AKAP12: variants seen among roughly 807,000 people sequenced by gnomAD.
The protein encoded by AKAP12 is A-kinase anchor protein 12.
A neutral mutation model predicts 79.9 loss-of-function variants in AKAP12; 32 were observed. The observed-to-expected ratio is 0.40, with a 90% confidence interval of 0.30 to 0.54. AKAP12 has a LOEUF of 0.54. AKAP12 is among the 20% of genes least tolerant of loss of function. The pLI, the probability that AKAP12 is intolerant of heterozygous loss-of-function variation, is 0.48. For missense variants in AKAP12, 2,074 were observed against 2,177.0 expected, an observed-to-expected ratio of 0.95 and a Z score of 0.94; for synonymous variants, 808 against 857.0, an observed-to-expected ratio of 0.94 and a Z score of 1.00.
chr6:151,263,767 C>G (rs1175699855), intron 2 of AKAP12, among the ~76,000 whole-genome samples: 2 of 151,994 alleles, frequency 1.3e-5, no homozygotes, highest in Non-Finnish European at 2.9e-5. Flanking sequence ...TTAGTAGAGA[C>G]AGGGTTTCAC....
intron 2 of AKAP12, among the ~76,000 whole-genome samples, chr6:151,259,505 T>TAC (rs1409619287): frequency 6.7e-3 from 400 of 59,802 alleles, no homozygotes; most frequent in African/African-American, 0.034. Flanking sequence ...TACATGTATA[T>TAC]ATATATACAC....
At chr6:151,296,127 AGAGGATCTGCTGCCTCTTCCCT>A (rs968858420) in intron 2 of AKAP12, among the ~76,000 whole-genome samples, 1 of 152,204 alleles carries the variant, frequency 6.6e-6, no homozygotes, top group African/African-American at 2.4e-5. Context: ...GCCACCCTCA[AGAGGATCTGCTGCCTCTTCCCT>A]GAGGAAAACT....
chr6:151,349,462 C>G lies in AKAP12; in HGVS notation c.1071C>G (p.His357Gln), dbSNP rs762194634. ...SEKLTASEQA[H>Q]PQEPAESAHE... ...AACTGACCGCCTCCGAGCAAGCCCA[C>G]CCACAGGAGCCGGCAGAAAGTGCCC... Residue 357 changes from histidine to glutamine, a missense_variant, in exon 4 of 5, where the codon CAC (histidine) becomes CAG (glutamine). Coordinates refer to ENST00000402676, the MANE Select transcript of AKAP12 (RefSeq NM_005100.4). 4 of 1,606,070 alleles carry G rather than the reference C, an allele frequency of 2.5e-6. No individual in the cohort carries two copies. Among genetic ancestry groups the G allele is most frequent in the Non-Finnish European group, 2.5e-6 (3 of 1,177,758 alleles).
chr6:151,248,717 T>TGC (rs1797120792), intron 2 of AKAP12, among the ~76,000 whole-genome samples: 1 of 152,148 alleles, frequency 6.6e-6, no homozygotes, highest in Non-Finnish European at 1.5e-5. Context: ...TGGCCGGGCA[T>TGC]GGTGGCTCAC....
intron 2 of AKAP12, among the ~76,000 whole-genome samples, chr6:151,249,417 T>G (rs1270932923): frequency 1.3e-5 from 2 of 152,234 alleles, no homozygotes; most frequent in African/African-American, 4.8e-5. Flanking sequence ...TGAGCTCAAG[T>G]GATCCTCTTG....
At chr6:151,270,305 G>A (rs1434274188) in intron 2 of AKAP12, among the ~76,000 whole-genome samples, 7 of 152,300 alleles carry the variant, frequency 4.6e-5, no homozygotes, top group Middle Eastern at 6.8e-3. Flanking sequence ...TGATCTGCCC[G>A]CCTCGGCCTC....
In AKAP12 at chr6:151,357,036, T is replaced by A. The variant is rs1339290169; in HGVS notation, c.*1322T>A. ...TGTCAATTTTTTTGTGTTAATATTT[T>A]TGGTTTCAAACAATAACAAATGTCT... On this transcript the variant is annotated 3_prime_UTR_variant, in exon 5 of 5. Transcript: ENST00000402676. The A allele has an allele frequency of 2.0e-5, 3 of 152,218 alleles. No homozygotes were observed. Among genetic ancestry groups the A allele is most frequent in the Non-Finnish European group, 4.4e-5 (3 of 68,046 alleles). 9.4% of individuals were successfully genotyped at this position (152,218 alleles called of 1,614,324 possible).
intron 3 of AKAP12, among the ~76,000 whole-genome samples, chr6:151,330,634 A>G (rs1777644839): frequency 2.0e-5 from 3 of 152,126 alleles, no homozygotes; most frequent in Admixed American, 6.6e-5. Flanking sequence ...CTTTTTCTCA[A>G]CCAAAAATGA....
intron 2 of AKAP12, chr6:151,298,992 A>G (rs1162090895): frequency 6.6e-6 from 1 of 152,172 alleles, no homozygotes; most frequent in Non-Finnish European, 1.5e-5. Flanking sequence ...GGGAGGTAAG[A>G]AATGTGCTCA....
intron 2 of AKAP12, among the ~76,000 whole-genome samples, chr6:151,285,090 G>A (rs755605836): frequency 1.3e-5 from 2 of 152,180 alleles, no homozygotes; most frequent in Non-Finnish European, 2.9e-5. Context: ...ATTTATGAAC[G>A]ACAGAGTGGG....
intron 3 of AKAP12, among the ~76,000 whole-genome samples, chr6:151,335,168 T>A (rs1777780542): frequency 6.6e-6 from 1 of 152,186 alleles, no homozygotes; most frequent in Non-Finnish European, 1.5e-5. Flanking sequence ...TTTGAAGACT[T>A]TATTCAGAAA....
chr6:151,348,284 C>T (rs1399103638), intron 3 of AKAP12: 1 of 439,682 alleles, frequency 2.3e-6, no homozygotes, highest in African/African-American at 2.1e-5. Flanking sequence ...GAGATCGTGC[C>T]ACTGTGCTCC....
At chr6:151,254,995 C>A (rs1182908946) in intron 2 of AKAP12, among the ~76,000 whole-genome samples, 1 of 152,100 alleles carries the variant, frequency 6.6e-6, no homozygotes, top group Non-Finnish European at 1.5e-5. Flanking sequence ...TGTTCTTCGC[C>A]CAGAATGCTT....
At position 151,348,619 on chromosome 6, in the gene AKAP12, A is replaced by G. The variant is rs990629031; in HGVS notation, c.320-92A>G. 41 of 909,298 alleles carry G rather than the reference A, an allele frequency of 4.5e-5. No homozygotes were observed. The African/African-American group carries it at 6.6e-4, about 15-fold the overall frequency. The allele number at this position is 909,298 out of a possible 1,614,324, so 56.3% of individuals were successfully genotyped here. On this transcript the variant is annotated intron_variant, in intron 3 of 4. Coordinates refer to ENST00000402676, the MANE Select transcript of AKAP12 (RefSeq NM_005100.4). ...ACACCACTGCCCTCCAGCCGGGGCA[A>G]GAGAGTGAGGCCCTGTCGGAGAAAA...
intron 3 of AKAP12, among the ~76,000 whole-genome samples, chr6:151,316,413 G>A (rs1217453460): frequency 6.6e-6 from 1 of 152,102 alleles, no homozygotes; most frequent in African/African-American, 2.4e-5. Context: ...ATTTGCTAAG[G>A]TTGTCATGAC....
intron 2 of AKAP12, among the ~76,000 whole-genome samples, chr6:151,250,658 T>G (rs999466779): frequency 1.3e-5 from 2 of 149,754 alleles, no homozygotes; most frequent in Non-Finnish European, 3.0e-5. Context: ...CAGGCTGGAG[T>G]GCAGTGGCGC....
intron 2 of AKAP12, among the ~76,000 whole-genome samples, chr6:151,277,885 ATACGTAAGACATGT>A (rs1776314949): frequency 6.6e-6 from 1 of 152,134 alleles, no homozygotes; most frequent in African/African-American, 2.4e-5. Context: ...AATCATTGAA[ATACGTAAGACATGT>A]TACGTCTTCC....
At chr6:151,345,791 TAAAAAAAAAAAAAAGAAAAG>T (rs1778078760) in intron 3 of AKAP12, among the ~76,000 whole-genome samples, 1 of 128,850 alleles carries the variant, frequency 7.8e-6, no homozygotes, top group Non-Finnish European at 1.6e-5. Flanking sequence ...GACTCTGTCT[TAAAAAAAAAAAAAAGAAAAG>T]AAAAAAGAAA....
At chr6:151,348,680 T>TTGGGG in intron 3 of AKAP12, 31 bp from the exon 4 acceptor site, 10 of 355,190 alleles carry the variant, frequency 2.8e-5, no homozygotes, top group East Asian at 1.2e-4. Flanking sequence ...TTTTCTCTTC[T>TTGGGG]CCCCACCCCC....
Sources: gnomAD v4.1 joint callset for allele counts (sites outside exome capture counted in the v4.1 genomes callset) on GRCh38, gnomAD v4.1.1 for gene constraint, MANE v1.5 for transcripts, NCBI Gene and HGNC (gene_info 2026-07-23, HGNC 2026-07-21) for gene names.